COLGALT2: variants seen among roughly 807,000 people sequenced by gnomAD.
The protein encoded by COLGALT2 is collagen beta(1-O)galactosyltransferase 2.
In COLGALT2, 49 loss-of-function variants were observed where a neutral mutation model predicts 73.4. That is an observed-to-expected ratio of 0.67 (90% CI 0.53 to 0.85). The LOEUF (loss-of-function observed/expected upper bound fraction) is 0.85, where lower values mean the gene tolerates loss of function less well. COLGALT2 is among the 40% of genes least tolerant of loss of function. The probability of loss-of-function intolerance (pLI) is 0.00; values close to 1 mark genes in which losing one functional copy is unlikely to be tolerated. For missense variants in COLGALT2, 722 were observed against 790.2 expected (o/e 0.91, Z 1.03); for synonymous variants, 295 against 307.6 (o/e 0.96, Z 0.43).
chr1:183,971,437 T>C (rs1671034810), intron 4 of COLGALT2, among the ~76,000 whole-genome samples: 1 of 152,184 alleles, frequency 6.6e-6, no homozygotes, highest in Non-Finnish European at 1.5e-5. Context: ...AAGGAGATAA[T>C]ACAAATTTGT....
intron 1 of COLGALT2, among the ~76,000 whole-genome samples, chr1:184,013,497 T>C (rs12405373): frequency 0.14 from 21,651 of 151,906 alleles, 1,654 homozygotes; most frequent in East Asian, 0.22. Flanking sequence ...TTTATAAAGG[T>C]CCAGAGGCCA....
chr1:183,999,855 G>A (rs1451217178), intron 1 of COLGALT2, among the ~76,000 whole-genome samples: 1 of 151,290 alleles, frequency 6.6e-6, no homozygotes, highest in African/African-American at 2.4e-5. Context: ...TTATTTTATT[G>A]TTCTTTTCAT....
At position 183,950,943 on chromosome 1, in the gene COLGALT2, T is replaced by C. The variant is rs374119684; in HGVS notation, c.1136+64A>G. Reference sequence around the variant, plus strand: ...TTAGAGCCCCACCTGGGACTAACTCTCTGTCAGAGAAGACACATCCACACT... The same window carrying C: ...TTAGAGCCCCACCTGGGACTAACTCCCTGTCAGAGAAGACACATCCACACT... On this transcript the variant is annotated intron_variant, in intron 8 of 11. Coordinates refer to ENST00000361927, the MANE Select transcript of COLGALT2 (RefSeq NM_015101.4). 3.4e-4 allele frequency: 423 copies of C among 1,233,344 alleles called. No individual in the cohort carries two copies. The African/African-American group carries it at 5.8e-3, about 17-fold the overall frequency. The allele number at this position is 1,233,344 out of a possible 1,614,324, so 76.4% of individuals were successfully genotyped here.
chr1:184,004,700 T>C (rs148342306), intron 1 of COLGALT2, among the ~76,000 whole-genome samples: 2 of 152,302 alleles, frequency 1.3e-5, no homozygotes, highest in South Asian at 2.1e-4. Context: ...ATTAATGTTC[T>C]GGTAATTTTG....
chr1:184,015,025 T>C (rs1648954771), intron 1 of COLGALT2, among the ~76,000 whole-genome samples: 1 of 151,776 alleles, frequency 6.6e-6, no homozygotes, highest in Admixed American at 6.6e-5. Flanking sequence ...GACATGGGGC[T>C]GGGGGATGAA....
chr1:183,946,482 G>A (rs1009898218), intron 8 of COLGALT2: 2 of 152,028 alleles, frequency 1.3e-5, no homozygotes, highest in African/African-American at 4.8e-5. Flanking sequence ...TGTAGTGAAG[G>A]CAAATGAATA....
intron 1 of COLGALT2, among the ~76,000 whole-genome samples, chr1:184,016,855 ATTG>A (rs1276763440): frequency 1.2e-4 from 18 of 152,276 alleles, no homozygotes; most frequent in African/African-American, 4.3e-4. Flanking sequence ...ACTTCCTTAT[ATTG>A]TTGTTTATAT....
At position 184,033,778 on chromosome 1, in the gene COLGALT2, C is replaced by T. The variant is rs893335784; in HGVS notation, c.263+3317G>A. Among the ~76,000 whole-genome samples, 3 of 152,074 alleles carry T rather than the reference C, an allele frequency of 2.0e-5. No homozygotes were observed. In the East Asian group the frequency reaches 5.8e-4, roughly 29 times the overall value. ...TCAATAAGCCAGGTCTCTCACTGAC[C>T]CATCTGGGACAGAAATCAGATGCTC... On this transcript the variant is annotated intron_variant, in intron 1 of 11. Transcript: ENST00000361927.
chr1:183,949,577 C>A (rs993459429), intron 8 of COLGALT2, among the ~76,000 whole-genome samples: 7 of 152,134 alleles, frequency 4.6e-5, no homozygotes, highest in Non-Finnish European at 1.0e-4. Context: ...CAAAAATTTA[C>A]TCAACATAGA....
intron 4 of COLGALT2, among the ~76,000 whole-genome samples, chr1:183,970,820 A>C (rs866081134): frequency 1.3e-5 from 2 of 152,150 alleles, no homozygotes; most frequent in East Asian, 1.9e-4. Flanking sequence ...TCATTACTAT[A>C]ATGTTTTTAT....
chr1:183,966,197 C>A (rs1162010220), intron 5 of COLGALT2, among the ~76,000 whole-genome samples: 3 of 152,092 alleles, frequency 2.0e-5, no homozygotes, highest in Admixed American at 2.0e-4. Flanking sequence ...AGTTTGATAA[C>A]AGAAAATTTA....
intron 1 of COLGALT2, among the ~76,000 whole-genome samples, chr1:184,023,279 A>G (rs1184026388): frequency 1.3e-5 from 2 of 152,212 alleles, no homozygotes; most frequent in East Asian, 3.9e-4. Flanking sequence ...CTAAAGTGTC[A>G]GCAAGGAGGG....
In COLGALT2 at chr1:183,959,899, A is replaced by G. The variant is rs140843439; in HGVS notation, c.952+4002T>C. Among the ~76,000 whole-genome samples, 969 of 152,226 alleles carry G rather than the reference A, an allele frequency of 6.4e-3. 2 individuals carry two copies. The highest frequency in any genetic ancestry group is 8.4e-3 in the Non-Finnish European group (574 of 68,008). On this transcript the variant is annotated intron_variant, in intron 6 of 11. Coordinates refer to ENST00000361927, the MANE Select transcript of COLGALT2 (RefSeq NM_015101.4). ...GCCTTTTGTCCCTGGAACACCCCCA[A>G]GCTTTTCCTGTCTAACAGTCTTTAC...
intron 7 of COLGALT2, among the ~76,000 whole-genome samples, chr1:183,953,385 C>T (rs1036900323): frequency 1.3e-5 from 2 of 152,142 alleles, no homozygotes; most frequent in Non-Finnish European, 2.9e-5. Flanking sequence ...CTGAAGGGCT[C>T]TAGGAGTGAC....
Position 183,975,206 on chromosome 1 carries a change from G to A in COLGALT2, c.383C>T (p.Pro128Leu), listed in dbSNP as rs1671156709. ...CCAGTGCTTTGGTCCAATTTCATCA[G>A]GGTAAGACCTAAAATAATAATAATA... is the stretch of plus-strand genomic sequence containing the variant. ...WRPMDEPESY[P>L]DEIGPKHWPT... Residue 128 changes from proline (P) to leucine (L), a missense_variant, in exon 3 of 12, where the codon CCT (proline) becomes CTT (leucine). Coordinates refer to ENST00000361927, the MANE Select transcript of COLGALT2 (RefSeq NM_015101.4). 6.2e-6 allele frequency: 10 copies of A among 1,608,346 alleles called. No individual in the cohort carries two copies. Among genetic ancestry groups the A allele is most frequent in the Non-Finnish European group, 7.7e-6 (9 of 1,175,018 alleles).
rs1196344520 is a variant in COLGALT2, at chr1:183,978,414, G to A, written c.370C>T (p.Pro124Ser). 5.1e-6 allele frequency: 8 copies of A among 1,584,056 alleles called. No homozygotes were observed. The highest frequency in any genetic ancestry group is 1.3e-5 in the African/African-American group (1 of 74,134). Residue 124 changes from proline to serine, a missense_variant, in exon 2 of 12, where the codon CCA (proline) becomes TCA (serine). By Grantham distance (74) the Pro-to-Ser change is moderately conservative (BLOSUM62 -1). Coordinates refer to ENST00000361927, the MANE Select transcript of COLGALT2 (RefSeq NM_015101.4). The part of the protein sequence containing the change: ...HYVEWRPMDE[P>S]ESYPDEIGPK... ...AATTTCGCACTTGCTACTCACTCTG[G>A]TTCATCCATAGGCCTCCACTCCACA...
intron 1 of COLGALT2, among the ~76,000 whole-genome samples, chr1:184,031,817 A>ATCCTTCCTTCCT (rs57492822): frequency 0.089 from 12,372 of 139,142 alleles, 785 homozygotes; most frequent in African/African-American, 0.14. Context: ...CCATGAATGT[A>ATCCTTCCTTCCT]TCCTTCCTTC....
chr1:184,028,800 T>C (rs963496561), intron 1 of COLGALT2, among the ~76,000 whole-genome samples: 3 of 152,344 alleles, frequency 2.0e-5, no homozygotes, highest in Admixed American at 2.0e-4. Flanking sequence ...TCTTCTAAGA[T>C]GTCTTCAAAC....
At chr1:183,934,369 C>T (rs930151742), downstream of COLGALT2, among the ~76,000 whole-genome samples, 6 of 152,204 alleles carry the variant, frequency 3.9e-5, no homozygotes, top group East Asian at 1.9e-4. Flanking sequence ...CTTAGGGCCG[C>T]GGGCTCACAG....
Sources: gnomAD v4.1 joint callset for allele counts (sites outside exome capture counted in the v4.1 genomes callset) on GRCh38, gnomAD v4.1.1 for gene constraint, MANE v1.5 for transcripts, NCBI Gene and HGNC (gene_info 2026-07-23, HGNC 2026-07-21) for gene names.